Variants in TMEM260 observed in about 807,000 individuals in gnomAD.
The protein encoded by TMEM260 is protein O-mannosyl-transferase TMEM260.
Under a neutral mutation model 88.9 loss-of-function variants are expected in TMEM260, and 82 were observed. The ratio of observed to expected loss-of-function variants is 0.92; its 90% CI spans 0.77 to 1.11. The LOEUF is 1.11. Ranked by LOEUF, TMEM260 falls within the 50% of genes least tolerant of loss-of-function variation. The pLI is 0.00. For missense variants in TMEM260, 902 were observed against 853.4 expected (o/e 1.06, Z -0.71); for synonymous variants, 314 against 309.3 (o/e 1.02, Z -0.16).
At chr14:56,624,033 G>GA (rs1228989236) in intron 11 of TMEM260, among the ~76,000 whole-genome samples, 1 of 152,112 alleles carries the variant, frequency 6.6e-6, no homozygotes, top group Non-Finnish European at 1.5e-5. Flanking sequence ...TAAATCAAAA[G>GA]AATGTGTAAA....
At chr14:56,617,550 G>A (rs1430200063) in intron 9 of TMEM260, among the ~76,000 whole-genome samples, 1 of 152,178 alleles carries the variant, frequency 6.6e-6, no homozygotes, top group East Asian at 1.9e-4. Flanking sequence ...TTGTATGTGT[G>A]TGTGCTTGCA....
At chr14:56,597,986 G>T (rs1016706383) in intron 3 of TMEM260, among the ~76,000 whole-genome samples, 24 of 152,144 alleles carry the variant, frequency 1.6e-4, no homozygotes, top group Non-Finnish European at 1.0e-4. Context: ...GTTCTATGGG[G>T]CATCCAGAGT....
intron 5 of TMEM260, among the ~76,000 whole-genome samples, chr14:56,606,237 A>G (rs1886892554): frequency 6.6e-6 from 1 of 152,224 alleles, no homozygotes; most frequent in Admixed American, 6.5e-5. Context: ...TGTTAATTAA[A>G]ATGGCAATAT....
At chr14:56,604,073 T>TA (rs1886742056) in intron 4 of TMEM260, 81 bp downstream of exon 4, 3 of 1,363,724 alleles carry the variant, frequency 2.2e-6, no homozygotes, top group South Asian at 3.0e-5. Flanking sequence ...TTGGCTTAAA[T>TA]ACCTTTTATC....
rs997590776 is a variant in TMEM260 at position 56,645,573 on chromosome 14, A to G, written c.1870-1670A>G. 4.2e-4 allele frequency among the ~76,000 whole-genome samples: 64 copies of G among 152,292 alleles called. 1 individual carries two copies. Among genetic ancestry groups the G allele is most frequent in the African/African-American group, 1.4e-3 (60 of 41,546 alleles). On this transcript the variant is annotated intron_variant, in intron 15 of 15. Coordinates refer to ENST00000261556, the MANE Select transcript of TMEM260 (RefSeq NM_017799.4). ...ACGAGGTAATGGGTGCAGCACACCA[A>G]CATGGCACATGTATACATATGTAAC...
Position 56,603,998 on chromosome 14 carries a change from C to T in TMEM260, c.522+6C>T. Reference sequence around the variant, plus strand: ...CTGCTAAGGAGAGATCAAAGGTAACCTATTTTGATCAAAGTGAAATCAGTT... The same window carrying T: ...CTGCTAAGGAGAGATCAAAGGTAACTTATTTTGATCAAAGTGAAATCAGTT... On this transcript the variant is annotated splice_donor_region_variant and intron_variant, in intron 4 of 15. Coordinates refer to ENST00000261556, the MANE Select transcript of TMEM260 (RefSeq NM_017799.4). The T allele has an allele frequency of 1.3e-6, 2 of 1,525,578 alleles. No homozygotes were observed. Among genetic ancestry groups the T allele is most frequent in the Non-Finnish European group, 1.8e-6 (2 of 1,141,860 alleles). The allele number at this position is 1,525,578 out of a possible 1,614,324, so 94.5% of individuals were successfully genotyped here.
At chr14:56,661,770 T>C in the TMEM260 span, among the ~76,000 whole-genome samples, 1 of 152,190 alleles carries the variant, frequency 6.6e-6, no homozygotes, top group Non-Finnish European at 1.5e-5. Context: ...GATTTTGTTA[T>C]CTTTTCTCCT....
chr14:56,654,675 G>A (rs2139671754), downstream of TMEM260, among the ~76,000 whole-genome samples: 1 of 152,028 alleles, frequency 6.6e-6, no homozygotes, highest in South Asian at 2.1e-4. Context: ...TTAGCCAGGT[G>A]TTGTGGCACA....
chr14:56,646,304 A>G (rs1215510201), intron 15 of TMEM260, among the ~76,000 whole-genome samples: 3 of 152,222 alleles, frequency 2.0e-5, no homozygotes, highest in Non-Finnish European at 4.4e-5. Context: ...TCTTTTAACT[A>G]AATTATGTAA....
At chr14:56,609,746 CAA>C (rs1403195004) in intron 6 of TMEM260, among the ~76,000 whole-genome samples, 2 of 152,020 alleles carry the variant, frequency 1.3e-5, no homozygotes, top group Non-Finnish European at 2.9e-5. Context: ...TTTTGAAACT[CAA>C]GACATATCTG....
chr14:56,582,787 C>T (rs146630604), intron 1 of TMEM260, among the ~76,000 whole-genome samples: 2 of 152,142 alleles, frequency 1.3e-5, no homozygotes, highest in East Asian at 3.9e-4. Flanking sequence ...CTATTCCCTT[C>T]CTCTTTATCA....
At chr14:56,642,713 A>T (rs1275676282) in intron 15 of TMEM260, among the ~76,000 whole-genome samples, 1 of 152,220 alleles carries the variant, frequency 6.6e-6, no homozygotes, top group Admixed American at 6.5e-5. Context: ...AAATCAATGA[A>T]TCCAGGAGCT....
chr14:56,650,015 A>G (rs561054757), downstream of TMEM260: 7 of 433,136 alleles, frequency 1.6e-5, no homozygotes, highest in East Asian at 4.2e-4. Flanking sequence ...TTTCCTTTCT[A>G]TTAGGTGAGG....
At chr14:56,582,256 T>C (rs1885183738) in intron 1 of TMEM260, among the ~76,000 whole-genome samples, 1 of 152,238 alleles carries the variant, frequency 6.6e-6, no homozygotes. Flanking sequence ...TACATTTTAC[T>C]CCATAGATTC....
At chr14:56,624,193 C>G (rs189411289) in intron 11 of TMEM260, among the ~76,000 whole-genome samples, 152 of 152,222 alleles carry the variant, frequency 1.0e-3, no homozygotes, top group African/African-American at 3.6e-3. Flanking sequence ...GATGAGCATA[C>G]TTGATTTTTT....
At chr14:56,647,192 A>T (rs1890019202) in intron 15 of TMEM260, 51 bp from the exon 16 acceptor site, 1 of 1,536,976 alleles carries the variant, frequency 6.5e-7, no homozygotes, top group East Asian at 2.3e-5. Context: ...TTTTGAAAAA[A>T]AAAAAGTCAA....
In TMEM260 at chr14:56,603,218, G is replaced by GA. The variant is rs1886683522; in HGVS notation, c.345-589dup. On this transcript the variant is annotated intron_variant, in intron 3 of 15. Transcript: ENST00000261556. ...ATTCACATTCCCATCTTCTTCTTTA[G>GA]AAAAAAAATTAGTTTTAACTTCACC... 2.0e-5 allele frequency among the ~76,000 whole-genome samples: 3 copies of GA among 148,882 alleles called. 1 individual carries two copies. The highest frequency in any genetic ancestry group is 6.8e-3 in the Middle Eastern group (2 of 292).
At chr14:56,625,080 G>A (rs200399114) in intron 11 of TMEM260, among the ~76,000 whole-genome samples, 13 of 152,146 alleles carry the variant, frequency 8.5e-5, no homozygotes, top group South Asian at 4.1e-4. Context: ...CCTGCTGTGC[G>A]GCCCAGTATG....
chr14:56,629,867 G>A (rs188751630), intron 12 of TMEM260, among the ~76,000 whole-genome samples: 157 of 151,902 alleles, frequency 1.0e-3, no homozygotes, highest in African/African-American at 3.4e-3. Flanking sequence ...AGACCCTGTC[G>A]CTACAAAAAA....
Sources: allele counts gnomAD v4.1 joint callset (sites outside exome capture counted in the v4.1 genomes callset), GRCh38; gene constraint gnomAD v4.1.1; transcripts MANE v1.5; gene names NCBI Gene and HGNC (gene_info 2026-07-23, HGNC 2026-07-21).